CCDC85A: variants seen among roughly 807,000 people sequenced by gnomAD.
CCDC85A encodes coiled-coil domain-containing protein 85A.
Under a neutral mutation model 50.2 loss-of-function variants are expected in CCDC85A, and 38 were observed. The observed-to-expected ratio is 0.76, with a 90% CI of 0.58 to 0.99. The LOEUF is 0.99. CCDC85A is among the 50% of genes least tolerant of loss of function. The probability of loss-of-function intolerance (pLI) is 0.00; values close to 1 mark genes in which losing one functional copy is unlikely to be tolerated. For missense variants in CCDC85A, 820 were observed against 742.0 expected, an observed-to-expected ratio of 1.11 and a Z score of -1.22; for synonymous variants, 366 against 301.4, an observed-to-expected ratio of 1.21 and a Z score of -2.22.
At chr2:56,349,898 A>G (rs1042613449) in intron 3 of CCDC85A, among the ~76,000 whole-genome samples, 1 of 151,886 alleles carries the variant, frequency 6.6e-6, no homozygotes, top group Admixed American at 6.6e-5. Context: ...TCCTTGGCAG[A>G]ATTTTTTGCA....
At position 56,311,990 on chromosome 2, in the gene CCDC85A, A is replaced by G. The variant is rs190872740; in HGVS notation, c.1241-30889A>G. Among the ~76,000 whole-genome samples, 15 of 152,266 alleles carry G rather than the reference A, an allele frequency of 9.9e-5. 1 individual carries two copies. The highest frequency in any genetic ancestry group is 1.8e-4 in the Non-Finnish European group (12 of 68,036). ...AGCCCAGCTGTCCTTGGAAGCTCAG[A>G]TAAACTGGAGGCTACAGTAGATAAG... On this transcript the variant is annotated intron_variant, in intron 2 of 5. Transcript: ENST00000407595.
At chr2:56,191,465 G>C (rs1676292994) in intron 1 of CCDC85A, among the ~76,000 whole-genome samples, 1 of 152,196 alleles carries the variant, frequency 6.6e-6, no homozygotes, top group African/African-American at 2.4e-5. Context: ...CTGGAGCCTT[G>C]TGTGACTTAA....
At chr2:56,380,986 A>G (rs1445621735) in intron 5 of CCDC85A, among the ~76,000 whole-genome samples, 2 of 152,082 alleles carry the variant, frequency 1.3e-5, no homozygotes, top group Non-Finnish European at 2.9e-5. Flanking sequence ...TTAGGACCAG[A>G]TATTCTCAGA....
chr2:56,276,007 G>C (rs1480190553), intron 2 of CCDC85A, among the ~76,000 whole-genome samples: 1 of 152,128 alleles, frequency 6.6e-6, no homozygotes, highest in East Asian at 1.9e-4. Flanking sequence ...CCCTCTATAA[G>C]TATCCTGTTT....
intron 4 of CCDC85A, among the ~76,000 whole-genome samples, chr2:56,375,579 TG>T (rs942814558): frequency 1.1e-4 from 16 of 152,124 alleles, no homozygotes; most frequent in African/African-American, 3.6e-4. Flanking sequence ...TCCTTGGGGG[TG>T]GGGCATTTCA....
intron 2 of CCDC85A, among the ~76,000 whole-genome samples, chr2:56,275,122 G>C (rs935543589): frequency 3.3e-5 from 5 of 151,914 alleles, no homozygotes; most frequent in Admixed American, 6.6e-5. Flanking sequence ...GTTGTTGTTA[G>C]TGGGGGTCGG....
chr2:56,351,978 G>A (rs1674970033), intron 3 of CCDC85A, among the ~76,000 whole-genome samples: 1 of 152,018 alleles, frequency 6.6e-6, no homozygotes. Context: ...GGGTTTTTAT[G>A]GTTTTAGGTC....
chr2:56,220,829 T>A (rs1668293256), intron 2 of CCDC85A, among the ~76,000 whole-genome samples: 1 of 152,026 alleles, frequency 6.6e-6, no homozygotes, highest in South Asian at 2.1e-4. Flanking sequence ...TTTTGTCTCC[T>A]CATTACCAAG....
At chr2:56,199,756 A>C (rs1676657990) in intron 2 of CCDC85A, among the ~76,000 whole-genome samples, 1 of 152,260 alleles carries the variant, frequency 6.6e-6, no homozygotes, top group Non-Finnish European at 1.5e-5. Flanking sequence ...CTGCTTAGAA[A>C]TGTGTTTAAA....
chr2:56,345,216 A>G (rs569434781), intron 3 of CCDC85A, among the ~76,000 whole-genome samples: 1 of 152,206 alleles, frequency 6.6e-6, no homozygotes, highest in East Asian at 1.9e-4. Context: ...TTTTCTCTCT[A>G]AGAAATGGCT....
At chr2:56,278,566 T>C (rs561685863) in intron 2 of CCDC85A, among the ~76,000 whole-genome samples, 1 of 152,224 alleles carries the variant, frequency 6.6e-6, no homozygotes, top group East Asian at 1.9e-4. Flanking sequence ...GGTCTATTTT[T>C]ATTTTTTATT....
intron 2 of CCDC85A, among the ~76,000 whole-genome samples, chr2:56,240,287 G>A (rs897386487): frequency 6.6e-6 from 1 of 152,134 alleles, no homozygotes; most frequent in Non-Finnish European, 1.5e-5. Flanking sequence ...TGATCAATCA[G>A]ATTGGCCGCT....
At chr2:56,296,271 C>A (rs530978419) in intron 2 of CCDC85A, among the ~76,000 whole-genome samples, 1 of 152,110 alleles carries the variant, frequency 6.6e-6, no homozygotes, top group Non-Finnish European at 1.5e-5. Flanking sequence ...TATCCCAAAG[C>A]GTCACTAATG....
intron 2 of CCDC85A, among the ~76,000 whole-genome samples, chr2:56,197,068 G>A (rs1302279671): frequency 6.6e-6 from 1 of 152,096 alleles, no homozygotes; most frequent in Non-Finnish European, 1.5e-5. Context: ...AACTACTTTG[G>A]TCTTGCTGAA....
intron 3 of CCDC85A, among the ~76,000 whole-genome samples, chr2:56,370,817 A>T (rs1050859220): frequency 6.6e-6 from 1 of 152,140 alleles, no homozygotes; most frequent in Non-Finnish European, 1.5e-5. Context: ...GAATGAAAGT[A>T]GAATGCCTAT....
intron 2 of CCDC85A, among the ~76,000 whole-genome samples, chr2:56,333,778 T>C (rs2104299491): frequency 6.6e-6 from 1 of 152,280 alleles, no homozygotes; most frequent in Non-Finnish European, 1.5e-5. Flanking sequence ...CGCATAATTC[T>C]AAAATTTTTG....
chr2:56,224,251 A>T (rs963525146), intron 2 of CCDC85A, among the ~76,000 whole-genome samples: 1 of 152,082 alleles, frequency 6.6e-6, no homozygotes, highest in Admixed American at 6.6e-5. Flanking sequence ...CACTCATTTA[A>T]TATGTTGTTT....
intron 2 of CCDC85A, among the ~76,000 whole-genome samples, chr2:56,281,723 A>T (rs1210739291): frequency 6.6e-6 from 1 of 152,152 alleles, no homozygotes; most frequent in Non-Finnish European, 1.5e-5. Flanking sequence ...GTGTCTGTTC[A>T]TGGATTTTGC....
intron 3 of CCDC85A, among the ~76,000 whole-genome samples, chr2:56,371,350 AT>A (rs902407889): frequency 3.3e-5 from 5 of 152,066 alleles, no homozygotes; most frequent in Non-Finnish European, 7.4e-5. Flanking sequence ...AAGAGTGAAA[AT>A]TGGACCAGTA....
Sources: gnomAD v4.1 joint callset for allele counts (sites outside exome capture counted in the v4.1 genomes callset) on GRCh38, gnomAD v4.1.1 for gene constraint, MANE v1.5 for transcripts, NCBI Gene and HGNC (gene_info 2026-07-23, HGNC 2026-07-21) for gene names.